Variants in MIPOL1 observed in about 807,000 individuals in gnomAD.
MIPOL1 encodes mirror-image polydactyly gene 1 protein.
MIPOL1 carries 57 observed loss-of-function variants against 60.9 expected under a neutral mutation model. The ratio of observed to expected loss-of-function variants is 0.94; its 90% CI spans 0.76 to 1.17. The LOEUF (loss-of-function observed/expected upper bound fraction) is 1.17, where lower values mean the gene tolerates loss of function less well. Ranked by LOEUF, MIPOL1 falls within the 50% of genes most tolerant of loss-of-function variation. The pLI is 0.00. For missense variants in MIPOL1, 551 were observed against 511.6 expected (o/e 1.08, Z -0.74); for synonymous variants, 179 against 168.8 (o/e 1.06, Z -0.47).
intron 11 of MIPOL1, among the ~76,000 whole-genome samples, chr14:37,438,187 T>A (rs2094191827): frequency 6.6e-6 from 1 of 152,220 alleles, no homozygotes. Flanking sequence ...AATCTAATAA[T>A]CTTCATCACT....
chr14:37,366,367 A>G (rs2092470702), intron 9 of MIPOL1, among the ~76,000 whole-genome samples: 2 of 151,888 alleles, frequency 1.3e-5, no homozygotes, highest in African/African-American at 4.8e-5. Context: ...CATTTGTTTC[A>G]AGAAGTTTTT....
At chr14:37,331,035 C>T (rs1306216007) in intron 9 of MIPOL1, among the ~76,000 whole-genome samples, 1 of 151,850 alleles carries the variant, frequency 6.6e-6, no homozygotes, top group East Asian at 1.9e-4. Context: ...AATTTTGTTC[C>T]ATTGGTCTAT....
At chr14:37,263,589 G>A (rs1204110993) in intron 3 of MIPOL1, among the ~76,000 whole-genome samples, 1 of 152,168 alleles carries the variant, frequency 6.6e-6, no homozygotes, top group African/African-American at 2.4e-5. Context: ...CAAATGAAGA[G>A]ATTGATAGTA....
chr14:37,251,810 CA>C (rs1974156939), intron 3 of MIPOL1, among the ~76,000 whole-genome samples: 1 of 151,858 alleles, frequency 6.6e-6, no homozygotes, highest in Non-Finnish European at 1.5e-5. Flanking sequence ...TAGCATACAA[CA>C]ATTCTTTGCA....
chr14:37,542,599 G>A (rs1002789507), intron 12 of MIPOL1, among the ~76,000 whole-genome samples: 5 of 152,018 alleles, frequency 3.3e-5, no homozygotes. Flanking sequence ...CCTTTCTTGA[G>A]GTAACTCTTT....
At chr14:37,239,457 A>G (rs904933748) in intron 1 of MIPOL1, among the ~76,000 whole-genome samples, 2 of 152,210 alleles carry the variant, frequency 1.3e-5, no homozygotes, top group Non-Finnish European at 2.9e-5. Context: ...GCTTTTAAAA[A>G]AATGTGTCTT....
At chr14:37,540,270 A>G (rs962998627) in intron 12 of MIPOL1, among the ~76,000 whole-genome samples, 1 of 152,116 alleles carries the variant, frequency 6.6e-6, no homozygotes, top group African/African-American at 2.4e-5. Flanking sequence ...CTTTTCACTT[A>G]TGAATTCATT....
At chr14:37,365,617 TG>T (rs200859602) in intron 9 of MIPOL1, among the ~76,000 whole-genome samples, 1,835 of 152,278 alleles carry the variant, frequency 0.012, 80 homozygotes, top group Admixed American at 0.083. Flanking sequence ...GCTAGTATTT[TG>T]TTGAGGATTT....
rs186401135 is a variant in MIPOL1 at position 37,255,708 on chromosome 14, A to G, written c.19+7801A>G. 2.0e-5 allele frequency among the ~76,000 whole-genome samples: 3 copies of G among 151,942 alleles called. No homozygotes were observed. The East Asian group carries it at 5.8e-4, about 29-fold the overall frequency. ...AGGCTTCAAAATTTTGAAATTAAGT[A>G]GACTATAGTGTAAATGATTGAATTA... On this transcript the variant is annotated intron_variant, in intron 3 of 12. Transcript: ENST00000684589.
At chr14:37,211,175 C>T (rs71449978) in intron 1 of MIPOL1, among the ~76,000 whole-genome samples, 2 of 151,398 alleles carry the variant, frequency 1.3e-5, no homozygotes, top group South Asian at 4.2e-4. Flanking sequence ...GAATAGAAAG[C>T]TCCACTGCCC....
chr14:37,280,864 G>C, intron 6 of MIPOL1, among the ~76,000 whole-genome samples: 1 of 151,940 alleles, frequency 6.6e-6, no homozygotes, highest in East Asian at 1.9e-4. Context: ...TCATCATGTT[G>C]GTCAGGCTAA....
chr14:37,546,962 A>G lies in MIPOL1; in HGVS notation c.1320A>G (p.Thr440=). The G allele has an allele frequency of 6.5e-6, 10 of 1,539,868 alleles. No homozygotes were observed. Among genetic ancestry groups the G allele is most frequent in the Non-Finnish European group, 8.9e-6 (10 of 1,129,160 alleles). The part of the protein sequence containing the change: ...RKKVGTGTMR[T]VI ...AGGTTGGAACCGGGACCATGAGGAC[A>G]GTGATCTGATTGAAAAAAAACGACA... The change falls in exon 13 of 13, where the codon ACA becomes ACG. Residue 440 remains threonine, a synonymous_variant. Transcript: ENST00000684589.
chr14:37,546,833 A>G, intron 12 of MIPOL1, 72 bp from the exon 13 acceptor site: 1 of 1,211,600 alleles, frequency 8.3e-7, no homozygotes, highest in South Asian at 1.3e-5. Flanking sequence ...ACTGTCCTTT[A>G]TCAGCCAGGA....
At chr14:37,420,465 A>T (rs2093851964) in intron 10 of MIPOL1, among the ~76,000 whole-genome samples, 1 of 152,180 alleles carries the variant, frequency 6.6e-6, no homozygotes, top group Admixed American at 6.5e-5. Context: ...CTTGTTTGTT[A>T]ATTTCCTTGA....
At chr14:37,422,072 G>C (rs1334879886) in intron 10 of MIPOL1, among the ~76,000 whole-genome samples, 1 of 152,008 alleles carries the variant, frequency 6.6e-6, no homozygotes, top group Non-Finnish European at 1.5e-5. Flanking sequence ...ACCAGTGCCA[G>C]ATTTTCAAAG....
intron 11 of MIPOL1, among the ~76,000 whole-genome samples, chr14:37,451,808 C>CTTTTTTTTTTTTTTTTTT (rs535978128): frequency 3.4e-4 from 29 of 84,572 alleles, no homozygotes; most frequent in African/African-American, 1.7e-3. Flanking sequence ...TTTATTCTCT[C>CTTTTTTTTTTTTTTTTTT]TTTTTTTTTT....
intron 10 of MIPOL1, chr14:37,400,305 G>T (rs1388908898): frequency 6.6e-6 from 1 of 152,138 alleles, no homozygotes; most frequent in Non-Finnish European, 1.5e-5. Flanking sequence ...CTGGATATGG[G>T]AAATGGAGGA....
At chr14:37,367,206 C>G (rs906288621) in intron 9 of MIPOL1, among the ~76,000 whole-genome samples, 13 of 151,600 alleles carry the variant, frequency 8.6e-5, no homozygotes. Flanking sequence ...TTCAAAATTG[C>G]AGAGTTTAAT....
intron 6 of MIPOL1, among the ~76,000 whole-genome samples, chr14:37,285,066 A>G (rs764139112): frequency 2.6e-5 from 4 of 152,176 alleles, no homozygotes; most frequent in African/African-American, 9.7e-5. Context: ...TCTTTATTTC[A>G]CAGGCTTACA....
Sources: allele counts gnomAD v4.1 joint callset (sites outside exome capture counted in the v4.1 genomes callset), GRCh38; gene constraint gnomAD v4.1.1; transcripts MANE v1.5; gene names NCBI Gene and HGNC (gene_info 2026-07-23, HGNC 2026-07-21).